The following ETNK2 variants were observed in gnomAD, a reference collection of about 807,000 sequenced individuals.
ETNK2 encodes the protein ethanolamine kinase-like protein.
Under a neutral mutation model 46.2 loss-of-function variants are expected in ETNK2, and 33 were observed. The ratio of observed to expected loss-of-function variants is 0.71; its 90% CI spans 0.54 to 0.96. The LOEUF is 0.96. Ranked by LOEUF, ETNK2 falls within the 40% of genes least tolerant of loss-of-function variation. ETNK2 has a pLI of 0.00. For missense variants in ETNK2, 445 were observed against 509.7 expected (o/e 0.87, Z 1.22); for synonymous variants, 194 against 209.0 (o/e 0.93, Z 0.62).
intron 1 of ETNK2, chr1:204,150,366 C>T: frequency 3.9e-6 from 1 of 254,124 alleles, no homozygotes; most frequent in South Asian, 6.2e-5. Flanking sequence ...AACACTATGT[C>T]CTGACCAGCT....
Position 204,141,367 on chromosome 1 carries a change from C to T in ETNK2, c.732G>A (p.Val244=). 1.2e-6 allele frequency: 2 copies of T among 1,614,034 alleles called. No individual in the cohort carries two copies. The highest frequency in any genetic ancestry group is 8.5e-7 in the Non-Finnish European group (1 of 1,179,898). The change falls in exon 4 of 8, where the codon GTG becomes GTA. Residue 244 remains valine (V), a synonymous_variant. Transcript: ENST00000367202. ...TGCAGAGCAGGTCATTGTGACAAAACACCACAGGGGACTCCAGCTGGGACA... is the reference window on the plus strand; with the variant it reads ...TGCAGAGCAGGTCATTGTGACAAAATACCACAGGGGACTCCAGCTGGGACA... ...EHLSQLESPV[V]FCHNDLLCKN...
intron 7 of ETNK2, among the ~76,000 whole-genome samples, chr1:204,134,197 G>A (rs1193674919): frequency 6.6e-6 from 1 of 152,198 alleles, no homozygotes; most frequent in African/African-American, 2.4e-5. Context: ...GATTTTCAAC[G>A]ATCCCATCCA....
rs566268147 is a variant in ETNK2 at position 204,145,934 on chromosome 1, G to A, written c.641+708C>T. On this transcript the variant is annotated intron_variant, in intron 3 of 7. Coordinates refer to ENST00000367202, the MANE Select transcript of ETNK2 (RefSeq NM_018208.4). ...GGGGAGTCAGGCGTCTAAAGGCTTGGAGGACTCTCAGGTTGCTGGTCAGAG... is the reference window on the plus strand; with the variant it reads ...GGGGAGTCAGGCGTCTAAAGGCTTGAAGGACTCTCAGGTTGCTGGTCAGAG... Among the ~76,000 whole-genome samples, 5 of 152,296 alleles carry A rather than the reference G, an allele frequency of 3.3e-5. No individual in the cohort carries two copies. In the East Asian group the frequency reaches 9.7e-4, roughly 29 times the overall value.
chr1:204,134,285 A>C (rs1657195304), intron 7 of ETNK2, among the ~76,000 whole-genome samples: 1 of 152,200 alleles, frequency 6.6e-6, no homozygotes, highest in East Asian at 1.9e-4. Flanking sequence ...GGGGACTAGC[A>C]CACCTCCTAC....
intron 4 of ETNK2, 121 bp downstream of exon 4, chr1:204,141,194 A>T: frequency 8.3e-7 from 1 of 1,202,290 alleles, no homozygotes; most frequent in Non-Finnish European, 1.2e-6. Context: ...AAATTAACTT[A>T]AGACCTAAAT....
Position 204,132,124 on chromosome 1 carries a change from T to G in ETNK2, c.*60A>C. 3 of 1,337,800 alleles carry G rather than the reference T, an allele frequency of 2.2e-6. No homozygotes were observed. The highest frequency in any genetic ancestry group is 1.3e-5 in the South Asian group (1 of 79,796). The allele number at this position is 1,337,800 out of a possible 1,614,324, so 82.9% of individuals were successfully genotyped here. A position where few individuals can be genotyped will look rare whatever the true frequency, so the allele number is the denominator to read the frequency against. ...AGGGTGTGGATCCCAGAGTGCAGAA[T>G]TGAGCTCTGGAGAACAGGTCTGGCC... is the stretch of plus-strand genomic sequence containing the variant. On this transcript the variant is annotated 3_prime_UTR_variant, in exon 8 of 8. Coordinates refer to ENST00000367202, the MANE Select transcript of ETNK2 (RefSeq NM_018208.4).
intron 6 of ETNK2, 139 bp downstream of exon 6, chr1:204,136,965 A>G: frequency 8.8e-7 from 1 of 1,139,014 alleles, no homozygotes; most frequent in Non-Finnish European, 1.3e-6. Flanking sequence ...CTTCACCTCT[A>G]GGGTGGGGTC....
intron 2 of ETNK2, 146 bp downstream of exon 2, chr1:204,149,557 A>G (rs1657922082): frequency 9.8e-7 from 1 of 1,016,902 alleles, no homozygotes; most frequent in African/African-American, 1.6e-5. Flanking sequence ...CTCTCTGCAG[A>G]GCAATGCATA....
intron 6 of ETNK2, among the ~76,000 whole-genome samples, 170 bp downstream of exon 6, chr1:204,136,930 GCTGC>G (rs1028854474): frequency 2.0e-5 from 3 of 152,162 alleles, no homozygotes; most frequent in Non-Finnish European, 2.9e-5. Context: ...AGTATTAAGA[GCTGC>G]CTAAGATGGC....
In ETNK2 at chr1:204,140,053, G is replaced by C; in HGVS notation, c.850C>G (p.His284Asp). The C allele has an allele frequency of 6.2e-7, 1 of 1,613,914 alleles. No homozygotes were observed. The highest frequency in any genetic ancestry group is 8.5e-7 in the Non-Finnish European group (1 of 1,179,846). ...CTCTCACCTGCAAACTCATTGAAAT[G>C]GTTGCCAATGTCAAAAGCTTGGTAG... The part of the protein sequence containing the change: ...YNYQAFDIGN[H>D]FNEFAGVNEV... Residue 284 changes from histidine to aspartate, a missense_variant, in exon 5 of 8, where the codon CAT (histidine) becomes GAT (aspartate). By Grantham distance (81) the His-to-Asp change is moderately conservative (BLOSUM62 -1). Transcript: ENST00000367202.
Position 204,147,493 on chromosome 1 carries a change from A to G in ETNK2, c.519-729T>C, listed in dbSNP as rs746936145. 8 of 533,276 alleles carry G rather than the reference A, an allele frequency of 1.5e-5. No individual in the cohort carries two copies. In the Admixed American group the frequency reaches 1.6e-4, roughly 10 times the overall value. 33.0% of individuals were successfully genotyped at this position (533,276 alleles called of 1,614,324 possible). On this transcript the variant is annotated intron_variant, in intron 2 of 7. Transcript: ENST00000367202. ...GAAGGAGGGCCTTGATAAAGACCCC[A>G]TCGCCCGAGGCCCTGTGTCCCAGCT...
chr1:204,147,518 T>C (rs1329583757), intron 2 of ETNK2: 2 of 533,282 alleles, frequency 3.8e-6, no homozygotes, highest in Admixed American at 3.9e-5. Flanking sequence ...GTGTCCCAGC[T>C]GGGCCCTCCC....
At chr1:204,142,517 G>C (rs1657594389) in intron 3 of ETNK2, 1 of 152,260 alleles carries the variant, frequency 6.6e-6, no homozygotes, top group South Asian at 2.1e-4. Flanking sequence ...GAGGCACACA[G>C]GTCTGTGTAC....
At position 204,146,668 on chromosome 1, in the gene ETNK2, C is replaced by A. The variant is rs758154824; in HGVS notation, c.615G>T (p.Thr205=). The A allele has an allele frequency of 6.2e-7, 1 of 1,613,956 alleles. No individual in the cohort carries two copies. The highest frequency in any genetic ancestry group is 1.1e-5 in the South Asian group (1 of 91,076). The change falls in exon 3 of 8, where the codon ACG becomes ACT. Residue 205 remains threonine (T), a synonymous_variant. Transcript: ENST00000367202. Reference sequence around the variant, plus strand: ...TGGGGTTGATCTCGTTCTTCACAAGCGTGAAATAATTGTGCATCTTGTGCC... The same window carrying A: ...TGGGGTTGATCTCGTTCTTCACAAGAGTGAAATAATTGTGCATCTTGTGCC... ...ILWHKMHNYF[T]LVKNEINPSL...
rs750856269 is a variant in ETNK2 at position 204,137,204 on chromosome 1, T to C, written c.914A>G (p.Gln305Arg). The C allele has an allele frequency of 6.2e-7, 1 of 1,613,970 alleles. No homozygotes were observed. The change falls in exon 6 of 8, where the codon CAG becomes CGG. Residue 305 changes from glutamine to arginine, a missense_variant. Coordinates refer to ENST00000367202, the MANE Select transcript of ETNK2 (RefSeq NM_018208.4). ...CAGGTAGTAGTGCAGCCACTGCAGC[T>C]GGGTCTCCCGCGCCGGGTACAGGCA... Reference protein sequence around the residue: ...DYCLYPARETQLQWLHYYLQA... With the variant: ...DYCLYPARETRLQWLHYYLQA...
chr1:204,140,225 C>T, intron 4 of ETNK2, 107 bp from the exon 5 acceptor site: 1 of 844,114 alleles, frequency 1.2e-6, no homozygotes, highest in Middle Eastern at 2.8e-4. Context: ...TGATGCCGGC[C>T]TCTGCAGCAA....
At position 204,151,673 on chromosome 1, in the gene ETNK2, C is replaced by T. The variant is rs1658009789; in HGVS notation, c.180G>A (p.Pro60=). 1.3e-6 allele frequency: 2 copies of T among 1,548,162 alleles called. No homozygotes were observed. The highest frequency in any genetic ancestry group is 2.5e-5 in the East Asian group (1 of 40,708). ...AVAYFGISVD[P]DDILPGALRL... ...GCAGGGCCCCGGGAAGGATGTCGTCCGGGTCCACGGAAATGCCGAAGTACG... is the reference window on the plus strand; with the variant it reads ...GCAGGGCCCCGGGAAGGATGTCGTCTGGGTCCACGGAAATGCCGAAGTACG... The change falls in exon 1 of 8, where the codon CCG becomes CCA. Residue 60 remains proline, a synonymous_variant. Coordinates refer to ENST00000367202, the MANE Select transcript of ETNK2 (RefSeq NM_018208.4). This position sits in a 1 kb window ranked among gnomAD's most constrained non-coding sequence, Gnocchi z 8.0.
In ETNK2 at chr1:204,146,666, A is replaced by G; in HGVS notation, c.617T>C (p.Leu206Pro). 1 of 1,613,930 alleles carries G rather than the reference A, an allele frequency of 6.2e-7. No individual in the cohort carries two copies. Among genetic ancestry groups the G allele is most frequent in the Non-Finnish European group, 8.5e-7 (1 of 1,179,880 alleles). Residue 206 changes from leucine to proline, a missense_variant, in exon 3 of 8, where the codon CTT becomes CCT. Transcript: ENST00000367202. ...LWHKMHNYFT[L>P]VKNEINPSLS... ...CCTGGGGTTGATCTCGTTCTTCACA[A>G]GCGTGAAATAATTGTGCATCTTGTG... is the stretch of plus-strand genomic sequence containing the variant.
At chr1:204,138,254 C>A (rs1427715164) in intron 5 of ETNK2, among the ~76,000 whole-genome samples, 1 of 152,156 alleles carries the variant, frequency 6.6e-6, no homozygotes, top group Non-Finnish European at 1.5e-5. Flanking sequence ...CTCACTCCTG[C>A]GCACCCATGA....
Sources: gnomAD v4.1 joint callset for allele counts (sites outside exome capture counted in the v4.1 genomes callset) on GRCh38, gnomAD v4.1.1 for gene constraint, Gnocchi (gnomAD v3.1) non-coding constraint, MANE v1.5 for transcripts, NCBI Gene and HGNC (gene_info 2026-07-23, HGNC 2026-07-21) for gene names.